SV2C: variants seen among roughly 807,000 people sequenced by gnomAD.
SV2C encodes solute carrier family 22 member B3.
A neutral mutation model predicts 79.7 loss-of-function variants in SV2C; 49 were observed. The ratio of observed to expected loss-of-function variants is 0.61; its 90% CI spans 0.49 to 0.78. The LOEUF (loss-of-function observed/expected upper bound fraction) is 0.78. Among genes scored for constraint, SV2C ranks in the 30% least tolerant of loss-of-function variants. SV2C has a pLI of 0.00. For synonymous variants in SV2C, 334 were observed against 333.2 expected (o/e 1.00, Z -0.03); for missense variants, 833 against 912.9 (o/e 0.91, Z 1.13).
At chr5:76,024,520 GA>G in the SV2C span, among the ~76,000 whole-genome samples, 7 of 152,044 alleles carry the variant, frequency 4.6e-5, no homozygotes, top group Non-Finnish European at 8.8e-5. Flanking sequence ...CAATTTGTAG[GA>G]GTTTTTTGCT....
the SV2C span, among the ~76,000 whole-genome samples, chr5:75,956,560 A>G: frequency 6.6e-6 from 1 of 151,974 alleles, no homozygotes; most frequent in Non-Finnish European, 1.5e-5. Flanking sequence ...AATAATAATA[A>G]AAAGAGCCTA....
chr5:76,266,281 C>T (rs10063681), intron 4 of SV2C, among the ~76,000 whole-genome samples: 94,494 of 151,972 alleles, frequency 0.62, 29,782 homozygotes, highest in Middle Eastern at 0.75. Context: ...AATCTCAGCT[C>T]ACTGCAACCT....
chr5:76,289,723 C>T (rs1344044754), intron 6 of SV2C, among the ~76,000 whole-genome samples: 2 of 152,202 alleles, frequency 1.3e-5, no homozygotes, highest in Non-Finnish European at 2.9e-5. Flanking sequence ...GCACTATTTT[C>T]CCTCCTAACT....
intron 5 of SV2C, 108 bp from the exon 6 acceptor site, chr5:76,285,673 T>C: frequency 1.2e-6 from 1 of 864,612 alleles, no homozygotes; most frequent in Non-Finnish European, 1.9e-6. Context: ...TGAGATACAT[T>C]TGCACAATTA....
the SV2C span, among the ~76,000 whole-genome samples, chr5:76,034,597 G>C: frequency 6.6e-6 from 1 of 152,186 alleles, no homozygotes; most frequent in African/African-American, 2.4e-5. Flanking sequence ...CAGGGATGAA[G>C]CCCACTTGAT....
At chr5:76,179,704 C>T (rs1442371343) in intron 2 of SV2C, among the ~76,000 whole-genome samples, 1 of 152,204 alleles carries the variant, frequency 6.6e-6, no homozygotes, top group Admixed American at 6.5e-5. Flanking sequence ...CTGAATTCAC[C>T]TCGACTTTGC....
chr5:76,000,901 A>T, the SV2C span, among the ~76,000 whole-genome samples: 1,161 of 152,184 alleles, frequency 7.6e-3, 6 homozygotes, highest in Non-Finnish European at 9.8e-3. Context: ...ACTGATTTTC[A>T]TGCTTAAATA....
At chr5:76,086,754 T>C (rs1747213268) in intron 1 of SV2C, among the ~76,000 whole-genome samples, 1 of 151,940 alleles carries the variant, frequency 6.6e-6, no homozygotes, top group African/African-American at 2.4e-5. Context: ...AATTTGGAGG[T>C]TTTTTCTTTA....
At chr5:75,940,027 T>G in the SV2C span, among the ~76,000 whole-genome samples, 2 of 152,162 alleles carry the variant, frequency 1.3e-5, no homozygotes, top group East Asian at 3.8e-4. Flanking sequence ...ATGTTGAAAT[T>G]ATATGTGCAG....
the SV2C span, among the ~76,000 whole-genome samples, chr5:75,977,954 C>T: frequency 6.6e-6 from 1 of 152,192 alleles, no homozygotes; most frequent in Non-Finnish European, 1.5e-5. Context: ...GCTGTCATCA[C>T]TCTCCAGCTA....
At chr5:76,203,478 T>C (rs1203414453) in intron 3 of SV2C, among the ~76,000 whole-genome samples, 1 of 152,232 alleles carries the variant, frequency 6.6e-6, no homozygotes, top group Non-Finnish European at 1.5e-5. Flanking sequence ...CTTTAGATGC[T>C]ATGGGAAGGC....
the SV2C span, among the ~76,000 whole-genome samples, chr5:75,893,736 A>T: frequency 7.9e-5 from 12 of 152,236 alleles, no homozygotes; most frequent in Non-Finnish European, 1.8e-4. Context: ...GTACCTCCTG[A>T]ATCTAAAATA....
At chr5:76,111,602 G>A (rs1748099927) in intron 1 of SV2C, among the ~76,000 whole-genome samples, 1 of 152,130 alleles carries the variant, frequency 6.6e-6, no homozygotes, top group South Asian at 2.1e-4. Context: ...TCTTTCTCCA[G>A]ACCGTACTGG....
chr5:75,858,222 G>A, the SV2C span, among the ~76,000 whole-genome samples: 21 of 152,248 alleles, frequency 1.4e-4, no homozygotes, highest in African/African-American at 2.9e-4. Context: ...CCCATTCAGC[G>A]TGATGCTAGG....
chr5:76,023,686 A>G, the SV2C span, among the ~76,000 whole-genome samples: 18 of 93,316 alleles, frequency 1.9e-4, no homozygotes, highest in South Asian at 8.5e-4. Context: ...GTGTGTGTGT[A>G]TATATATATA....
At chr5:76,336,392 G>A (rs975000072), downstream of SV2C, among the ~76,000 whole-genome samples, 1 of 151,014 alleles carries the variant, frequency 6.6e-6, no homozygotes, top group Non-Finnish European at 1.5e-5. Flanking sequence ...TGGCAGAGAC[G>A]CTCCTCACCC....
At chr5:76,159,084 C>G (rs75694839) in intron 2 of SV2C, among the ~76,000 whole-genome samples, 78 of 151,864 alleles carry the variant, frequency 5.1e-4, no homozygotes, top group African/African-American at 1.8e-3. Context: ...AAATTCAACA[C>G]CTTTTCATGG....
the SV2C span, among the ~76,000 whole-genome samples, chr5:75,942,727 C>G: frequency 1.3e-5 from 2 of 152,188 alleles, no homozygotes; most frequent in African/African-American, 4.8e-5. Flanking sequence ...TCAAACTCAA[C>G]TATCTTGGGA....
the SV2C span, among the ~76,000 whole-genome samples, chr5:76,048,961 AAAAGAGAAAGAAAGAAAG>A: frequency 9.1e-5 from 11 of 120,976 alleles, no homozygotes; most frequent in African/African-American, 3.2e-4. Context: ...GAGAGAAAGA[AAAAGAGAAAGAAAGAAAG>A]AAAGAAAGAA....
Sources: allele counts gnomAD v4.1 joint callset (sites outside exome capture counted in the v4.1 genomes callset), GRCh38; gene constraint gnomAD v4.1.1; transcripts MANE v1.5; gene names NCBI Gene and HGNC (gene_info 2026-07-23, HGNC 2026-07-21).